Variants in RBM26 observed in about 807,000 individuals in gnomAD.
RBM26 encodes RNA-binding protein 26.
RBM26 carries 30 observed loss-of-function variants against 123.6 expected under a neutral mutation model. That is an observed-to-expected ratio of 0.24 (90% CI 0.18 to 0.33). RBM26 has a LOEUF of 0.33. Among genes scored for constraint, RBM26 ranks in the 10% least tolerant of loss-of-function variants. The pLI is 1.00. For synonymous variants in RBM26, 400 were observed against 404.4 expected, an observed-to-expected ratio of 0.99 and a Z score of 0.13; for missense variants, 947 against 1,203.6, an observed-to-expected ratio of 0.79 and a Z score of 3.15.
chr13:79,349,676 G>GAAAAA (rs901059804), intron 14 of RBM26, among the ~76,000 whole-genome samples: 1 of 145,150 alleles, frequency 6.9e-6, no homozygotes, highest in Non-Finnish European at 1.5e-5. Context: ...TAACAGTTAA[G>GAAAAA]AAAAAAAAAC....
Position 79,319,934 on chromosome 13 carries a change from G to T in RBM26, c.*687C>A, listed in dbSNP as rs529968403. ...TCTTTTCTTTTTTTTTTTAAATCAA[G>T]GAACATTGTCTTGGCTTTTTTTTTT... On this transcript the variant is annotated 3_prime_UTR_variant, in exon 22 of 22. Coordinates refer to ENST00000438737, the MANE Select transcript of RBM26 (RefSeq NM_001366735.2). 964 of 714,156 alleles carry T rather than the reference G, an allele frequency of 1.3e-3. 1 individual carries two copies. Among genetic ancestry groups the T allele is most frequent in the Non-Finnish European group, 1.5e-3 (928 of 622,142 alleles). The allele number at this position is 714,156 out of a possible 1,614,324, so 44.2% of individuals were successfully genotyped here. A position where few individuals can be genotyped will look rare whatever the true frequency, so the allele number is the denominator to read the frequency against.
At chr13:79,326,264 A>C (rs1033383877) in intron 20 of RBM26, among the ~76,000 whole-genome samples, 4 of 152,234 alleles carry the variant, frequency 2.6e-5, no homozygotes, top group Non-Finnish European at 5.9e-5. Flanking sequence ...AACTTTTTAA[A>C]GTATGCTATG....
downstream of RBM26, chr13:79,314,918 C>G: frequency 1.8e-6 from 2 of 1,103,704 alleles, no homozygotes; most frequent in Non-Finnish European, 2.5e-6. Context: ...ATTATTGTAA[C>G]AGTCGTCTCC....
intron 12 of RBM26, 53 bp downstream of exon 12, chr13:79,355,167 T>TGCTA: frequency 6.5e-7 from 1 of 1,541,740 alleles, no homozygotes; most frequent in Non-Finnish European, 8.9e-7. Flanking sequence ...GTAAACGCTA[T>TGCTA]GCTAAGAGCT....
chr13:79,367,557 T>A (rs1343751649), intron 6 of RBM26, among the ~76,000 whole-genome samples: 1 of 151,686 alleles, frequency 6.6e-6, no homozygotes, highest in Non-Finnish European at 1.5e-5. Flanking sequence ...AGGTAACAAG[T>A]GAGTTCGCCC....
intron 3 of RBM26, among the ~76,000 whole-genome samples, chr13:79,372,387 ATTAGT>A (rs2075988691): frequency 6.6e-6 from 1 of 152,148 alleles, no homozygotes; most frequent in Admixed American, 6.6e-5. Context: ...TAACATTAAA[ATTAGT>A]TTATATAACG....
exon 5 of RBM26, chr13:79,312,275 C>A (rs1055063882): frequency 1.3e-5 from 2 of 152,028 alleles, no homozygotes; most frequent in Non-Finnish European, 2.9e-5. Flanking sequence ...TTGTGCCAGA[C>A]AATATGTTCT....
At chr13:79,365,777 T>C (rs1252639121) in intron 8 of RBM26, 59 bp from the exon 9 acceptor site, 2 of 1,453,192 alleles carry the variant, frequency 1.4e-6, no homozygotes, top group African/African-American at 1.5e-5. Flanking sequence ...GGTAATTTTT[T>C]AATATTGATA....
At chr13:79,379,277 T>G (rs2076887491) in intron 1 of RBM26, among the ~76,000 whole-genome samples, 1 of 147,882 alleles carries the variant, frequency 6.8e-6, no homozygotes, top group African/African-American at 2.5e-5. Context: ...ATCAGTCCTG[T>G]AATGACAGCA....
Position 79,320,305 on chromosome 13 carries a change from A to G in RBM26, c.*316T>C, listed in dbSNP as rs776735712. The G allele has an allele frequency of 6.0e-6, 6 of 1,001,144 alleles. No individual in the cohort carries two copies. The highest frequency in any genetic ancestry group is 5.2e-5 in the African/African-American group (3 of 57,940). The allele number at this position is 1,001,144 out of a possible 1,614,324, so 62.0% of individuals were successfully genotyped here. ...CTCTAAGTTATAACAAGTATTGGTC[A>G]TAAGTTTTCAGACCTATTCATTAAA... On this transcript the variant is annotated 3_prime_UTR_variant, in exon 22 of 22. Transcript: ENST00000438737.
At chr13:79,377,196 C>A in intron 3 of RBM26, 183 bp downstream of exon 3, 1 of 501,786 alleles carries the variant, frequency 2.0e-6, no homozygotes, top group East Asian at 3.0e-5. Flanking sequence ...TATCCTTTTG[C>A]TGAAATAAGC....
rs537624854 is a variant in RBM26 at position 79,319,915 on chromosome 13, CT to C, written c.*705del. 0.079 allele frequency: 31,995 copies of C among 403,404 alleles called. 132 individuals are homozygous for C. Among genetic ancestry groups the C allele is most frequent in the African/African-American group, 0.22 (3,293 of 14,676 alleles). The allele number at this position is 403,404 out of a possible 1,614,324, so 25.0% of individuals were successfully genotyped here. ...ATTTTTTTCTTTTCTTTTTTCTTTT[CT>C]TTTTTTTTTTAAATCAAGGAACATT... On this transcript the variant is annotated 3_prime_UTR_variant, in exon 22 of 22. Coordinates refer to ENST00000438737, the MANE Select transcript of RBM26 (RefSeq NM_001366735.2).
Position 79,354,561 on chromosome 13 carries a change from G to T in RBM26, c.1864C>A (p.Pro622Thr), listed in dbSNP as rs1407084812. Residue 622 changes from proline (P) to threonine (T), a missense_variant, in exon 13 of 22, where the codon CCT becomes ACT. Around this residue, in one of 5 missense-constraint regions of RBM26, gnomAD observed 493 missense variants for 563.1 expected, o/e 0.88. Coordinates refer to ENST00000438737, the MANE Select transcript of RBM26 (RefSeq NM_001366735.2). ...GGCAAAATGGGCTGCTGGACTAAAG[G>T]CTGCATTACCTCAGAACAAGGAAAA... ...LQTTSPKVMQ[P>T]LVQQPILPVV... The T allele has an allele frequency of 3.8e-6, 6 of 1,593,490 alleles. No homozygotes were observed. The highest frequency in any genetic ancestry group is 5.1e-6 in the Non-Finnish European group (6 of 1,167,260).
chr13:79,397,489 C>T (rs2078675165), intron 1 of RBM26, among the ~76,000 whole-genome samples: 1 of 151,138 alleles, frequency 6.6e-6, no homozygotes, highest in Admixed American at 6.6e-5. Context: ...TCCTGGCTAA[C>T]ACGATGAAAC....
chr13:79,387,009 G>C (rs3742121), intron 1 of RBM26, among the ~76,000 whole-genome samples: 11,638 of 152,000 alleles, frequency 0.077, 709 homozygotes, highest in East Asian at 0.19. Flanking sequence ...ATATATGTTA[G>C]AGATTCACTT....
intron 3 of RBM26, among the ~76,000 whole-genome samples, chr13:79,372,587 GTTTTGGTT>G (rs2076010562): frequency 6.7e-6 from 1 of 149,886 alleles, no homozygotes; most frequent in Non-Finnish European, 1.5e-5. Context: ...ATATATTCAT[GTTTTGGTT>G]TCGTGGACTT....
chr13:79,343,870 G>A (rs1045691088), intron 16 of RBM26, among the ~76,000 whole-genome samples: 2 of 151,858 alleles, frequency 1.3e-5, no homozygotes, highest in Non-Finnish European at 2.9e-5. Flanking sequence ...ACAGTCAGAT[G>A]TGGCTATAGA....
chr13:79,317,274 T>G (rs1413301478), downstream of RBM26, among the ~76,000 whole-genome samples: 1 of 151,666 alleles, frequency 6.6e-6, no homozygotes, highest in East Asian at 1.9e-4. Flanking sequence ...TCCAAGTTGT[T>G]TCCAATGATA....
intron 5 of RBM26, among the ~76,000 whole-genome samples, chr13:79,370,662 A>G (rs941126460): frequency 6.6e-6 from 1 of 152,234 alleles, no homozygotes; most frequent in Admixed American, 6.5e-5. Context: ...ACATACTGCC[A>G]AAATGTTTTC....
Sources: gnomAD v4.1 joint callset for allele counts (sites outside exome capture counted in the v4.1 genomes callset) on GRCh38, gnomAD v4.1.1 for gene constraint, gnomAD v4.1.1 regional missense constraint, MANE v1.5 for transcripts, NCBI Gene and HGNC (gene_info 2026-07-23, HGNC 2026-07-21) for gene names.